Variants in CRIPT observed in about 807,000 individuals in gnomAD.
The protein encoded by CRIPT is cysteine-rich PDZ-binding protein.
A neutral mutation model predicts 16.6 loss-of-function variants in CRIPT; 20 were observed. The observed-to-expected ratio is 1.20, with a 90% CI of 0.85 to 1.75. The LOEUF is 1.75. Ranked by LOEUF, CRIPT falls within the 40% of genes most tolerant of loss-of-function variation. CRIPT has a pLI of 0.00. For missense variants in CRIPT, 133 were observed against 115.3 expected (o/e 1.15, Z -0.70); for synonymous variants, 42 against 37.0 (o/e 1.14, Z -0.49).
chr2:46,623,645 T>C, intron 3 of CRIPT, 119 bp from the exon 4 acceptor site: 1 of 587,184 alleles, frequency 1.7e-6, no homozygotes, highest in Non-Finnish European at 3.1e-6. Context: ...ACCCATCAAT[T>C]GTAGAGGTTG....
rs1379297236 is a variant in CRIPT, at chr2:46,626,327, A to T, written c.*2100A>T. ...GTATATGTACCAATTTTCTTTATCCAGTCCACTATTAATGAGCATCTAGGT... is the reference window on the plus strand; with the variant it reads ...GTATATGTACCAATTTTCTTTATCCTGTCCACTATTAATGAGCATCTAGGT... On this transcript the variant is annotated 3_prime_UTR_variant, in exon 5 of 5. Transcript: ENST00000238892. Among the ~76,000 whole-genome samples, 5 of 152,186 alleles carry T rather than the reference A, an allele frequency of 3.3e-5. No homozygotes were observed. The highest frequency in any genetic ancestry group is 5.9e-5 in the Non-Finnish European group (4 of 68,050).
chr2:46,622,938 T>C (rs1670847176), intron 3 of CRIPT, among the ~76,000 whole-genome samples: 1 of 152,000 alleles, frequency 6.6e-6, no homozygotes, highest in Admixed American at 6.6e-5. Context: ...TGAGGATCAT[T>C]ACAAAAACTC....
chr2:46,619,308 T>G (rs1022764813), intron 2 of CRIPT, among the ~76,000 whole-genome samples: 7 of 152,130 alleles, frequency 4.6e-5, no homozygotes, highest in African/African-American at 1.7e-4. Context: ...GGTAGAAAAA[T>G]AAACATTTTC....
intron 3 of CRIPT, among the ~76,000 whole-genome samples, chr2:46,621,636 C>T (rs1558718190): frequency 6.6e-6 from 1 of 152,206 alleles, no homozygotes. Context: ...CTATCATGTT[C>T]ATCTTTGGTA....
rs976984960 is a variant in CRIPT, at chr2:46,629,762, C to T, written c.*5535C>T. Among the ~76,000 whole-genome samples, 3 of 152,118 alleles carry T rather than the reference C, an allele frequency of 2.0e-5. No individual in the cohort carries two copies. Among genetic ancestry groups the T allele is most frequent in the African/African-American group, 7.2e-5 (3 of 41,420 alleles). On this transcript the variant is annotated 3_prime_UTR_variant, in exon 5 of 5. Transcript: ENST00000238892. The stretch of plus-strand genomic sequence containing the variant: ...CACTTGGGTAAGATGTCCAGTTTCT[C>T]CAGTGTATCGTTATTGTTTTTCCTT...
chr2:46,623,905 C>T (rs745536966), intron 4 of CRIPT, 38 bp downstream of exon 4: 11 of 1,391,976 alleles, frequency 7.9e-6, no homozygotes, highest in East Asian at 4.7e-5. Context: ...TTCATAAAAC[C>T]GACTTCATTT....
At position 46,624,654 on chromosome 2, in the gene CRIPT, C is replaced by T. The variant is rs1446806541; in HGVS notation, c.*427C>T. The T allele has an allele frequency of 6.6e-6, 1 of 152,660 alleles. No individual in the cohort carries two copies. The highest frequency in any genetic ancestry group is 1.5e-5 in the Non-Finnish European group (1 of 68,360). The allele number at this position is 152,660 out of a possible 1,614,324, so 9.5% of individuals were successfully genotyped here. A position where few individuals can be genotyped will look rare whatever the true frequency, so the allele number is the denominator to read the frequency against. On this transcript the variant is annotated 3_prime_UTR_variant, in exon 5 of 5. Coordinates refer to ENST00000238892, the MANE Select transcript of CRIPT (RefSeq NM_014171.6). ...TCATAGTTATTAGAATCAGCAGCCT[C>T]TTAACTAATTGCGGTTTCATAGGAT...
rs1412311736 is a variant in CRIPT, at chr2:46,627,790, A to G, written c.*3563A>G. On this transcript the variant is annotated 3_prime_UTR_variant, in exon 5 of 5. Coordinates refer to ENST00000238892, the MANE Select transcript of CRIPT (RefSeq NM_014171.6). ...TCTATCTTGAGGTAATTTTATATAT[A>G]TGGTGAAAGGGGTCCAGTTTGAGTC... 1.3e-5 allele frequency among the ~76,000 whole-genome samples: 2 copies of G among 152,156 alleles called. No individual in the cohort carries two copies. Among genetic ancestry groups the G allele is most frequent in the Non-Finnish European group, 2.9e-5 (2 of 68,024 alleles).
rs188515112 is a variant in CRIPT at position 46,629,827 on chromosome 2, C to T, written c.*5600C>T. On this transcript the variant is annotated 3_prime_UTR_variant, in exon 5 of 5. Transcript: ENST00000238892. ...TAATTTGTGAGGAGAAACTTTGAGA[C>T]CTTGTTGACAATTCTGTTCCTCATC... Among the ~76,000 whole-genome samples, 1 of 152,132 alleles carries T rather than the reference C, an allele frequency of 6.6e-6. No homozygotes were observed. The highest frequency in any genetic ancestry group is 6.5e-5 in the Admixed American group (1 of 15,278).
intron 3 of CRIPT, among the ~76,000 whole-genome samples, chr2:46,620,979 A>G (rs922427719): frequency 1.4e-4 from 21 of 151,806 alleles, no homozygotes; most frequent in African/African-American, 4.6e-4. Flanking sequence ...CTTTGGATCT[A>G]CCTCCAAAAC....
In CRIPT at chr2:46,624,342, G is replaced by C. The variant is rs1670883458; in HGVS notation, c.*115G>C. ...TTTTAAGATAATTAAGTTTAAACCA[G>C]AGAATTTGATTGTTACTCATTTTGC... On this transcript the variant is annotated 3_prime_UTR_variant, in exon 5 of 5. Transcript: ENST00000238892. 1.7e-6 allele frequency: 1 copy of C among 592,950 alleles called. No homozygotes were observed. Among genetic ancestry groups the C allele is most frequent in the Non-Finnish European group, 2.7e-6 (1 of 374,130 alleles). The allele number at this position is 592,950 out of a possible 1,614,324, so 36.7% of individuals were successfully genotyped here.
At chr2:46,618,739 G>C (rs771606117) in intron 1 of CRIPT, 34 bp from the exon 2 acceptor site, 3 of 1,405,254 alleles carry the variant, frequency 2.1e-6, no homozygotes, top group Non-Finnish European at 3.0e-6. Flanking sequence ...AAATAATAAA[G>C]TTTAATTTTC....
intron 3 of CRIPT, among the ~76,000 whole-genome samples, chr2:46,622,772 C>T (rs1276974363): frequency 6.6e-6 from 1 of 151,728 alleles, no homozygotes; most frequent in African/African-American, 2.4e-5. Context: ...AAGATTGCGC[C>T]ATTGCACTCT....
chr2:46,618,228 G>C (rs970927926), intron 1 of CRIPT, among the ~76,000 whole-genome samples: 1 of 151,482 alleles, frequency 6.6e-6, no homozygotes, highest in Non-Finnish European at 1.5e-5. Context: ...TGGTTGAATG[G>C]TTCTTTTTGG....
Position 46,628,175 on chromosome 2 carries a change from A to G in CRIPT, c.*3948A>G, listed in dbSNP as rs1572798465. Among the ~76,000 whole-genome samples the G allele has an allele frequency of 4.6e-5, 7 of 151,032 alleles. No homozygotes were observed. Among genetic ancestry groups the G allele is most frequent in the African/African-American group, 1.7e-4 (7 of 40,994 alleles). On this transcript the variant is annotated 3_prime_UTR_variant, in exon 5 of 5. Coordinates refer to ENST00000238892, the MANE Select transcript of CRIPT (RefSeq NM_014171.6). ...CCCAGGCTCTGAGTGCAGCTGTGCAATCTCAGCTCACTGCAACCTCTGCCT... is the reference window on the plus strand; with the variant it reads ...CCCAGGCTCTGAGTGCAGCTGTGCAGTCTCAGCTCACTGCAACCTCTGCCT...
chr2:46,624,288 G>A lies in CRIPT; in HGVS notation c.*61G>A. ...TTACTTTCTGCCTTGAATTTTCAAG[G>A]CATAGATGTCAACTTACAGAATAAC... is the stretch of plus-strand genomic sequence containing the variant. On this transcript the variant is annotated 3_prime_UTR_variant, in exon 5 of 5. Transcript: ENST00000238892. The A allele has an allele frequency of 9.3e-7, 1 of 1,069,962 alleles. No individual in the cohort carries two copies. Among genetic ancestry groups the A allele is most frequent in the Non-Finnish European group, 1.3e-6 (1 of 740,954 alleles). 66.3% of individuals were successfully genotyped at this position (1,069,962 alleles called of 1,614,324 possible).
In CRIPT at chr2:46,626,043, C is replaced by A. The variant is rs907340879; in HGVS notation, c.*1816C>A. Among the ~76,000 whole-genome samples, 7 of 152,120 alleles carry A rather than the reference C, an allele frequency of 4.6e-5. No individual in the cohort carries two copies. Among genetic ancestry groups the A allele is most frequent in the African/African-American group, 1.7e-4 (7 of 41,422 alleles). Reference sequence around the variant, plus strand: ...AGGTTTGGGGTACAAATGATCCTGTCACCCAGGTAGTGAGCATAGAGTCCA... The same window carrying A: ...AGGTTTGGGGTACAAATGATCCTGTAACCCAGGTAGTGAGCATAGAGTCCA... On this transcript the variant is annotated 3_prime_UTR_variant, in exon 5 of 5. Coordinates refer to ENST00000238892, the MANE Select transcript of CRIPT (RefSeq NM_014171.6).
rs555129716 is a variant in CRIPT, at chr2:46,618,918, A to G, written c.82+80A>G. ...CCTTAGTTTTTACATTATTTGTACA[A>G]TGAAATGTTATGTGTTCAAAGTATT... is the stretch of plus-strand genomic sequence containing the variant. On this transcript the variant is annotated intron_variant, in intron 2 of 4. Coordinates refer to ENST00000238892, the MANE Select transcript of CRIPT (RefSeq NM_014171.6). 7.5e-5 allele frequency: 64 copies of G among 851,686 alleles called. No homozygotes were observed. The Middle Eastern group carries it at 9.1e-4, about 12-fold the overall frequency. The allele number at this position is 851,686 out of a possible 1,614,324, so 52.8% of individuals were successfully genotyped here.
At chr2:46,621,906 T>G (rs1022034300) in intron 3 of CRIPT, among the ~76,000 whole-genome samples, 1 of 152,248 alleles carries the variant, frequency 6.6e-6, no homozygotes, top group Admixed American at 6.5e-5. Flanking sequence ...TTTTATATAC[T>G]TCCAGTTCCT....
Sources: gnomAD v4.1 joint callset for allele counts (sites outside exome capture counted in the v4.1 genomes callset) on GRCh38, gnomAD v4.1.1 for gene constraint, MANE v1.5 for transcripts, NCBI Gene and HGNC (gene_info 2026-07-23, HGNC 2026-07-21) for gene names.